Variants in DDHD2 observed in about 807,000 individuals in gnomAD.
DDHD2 encodes DDHD domain containing 2, also known as triacylglycerol hydrolase DDHD2.
A neutral mutation model predicts 91.2 loss-of-function variants in DDHD2; 62 were observed. That is an observed-to-expected ratio of 0.68 (90% CI 0.55 to 0.84). The LOEUF is 0.84. Ranked by LOEUF, DDHD2 falls within the 40% of genes least tolerant of loss-of-function variation. The pLI, the probability that DDHD2 is intolerant of heterozygous loss-of-function variation, is 0.00. For synonymous variants in DDHD2, 271 were observed against 293.9 expected (o/e 0.92, Z 0.80); for missense variants, 740 against 846.9 (o/e 0.87, Z 1.57).
rs778301805 is a variant in DDHD2 at position 38,242,286 on chromosome 8, A to G, written c.749A>G (p.Gln250Arg). ...CGCAGTGTTTCCTTGAACTTGCTACAGACACATTTTAAGAAAGCCCAAGAA... is the reference window on the plus strand; with the variant it reads ...CGCAGTGTTTCCTTGAACTTGCTACGGACACATTTTAAGAAAGCCCAAGAA... ...DFRSVSLNLL[Q>R]THFKKAQENQ... Residue 250 changes from glutamine to arginine, a missense_variant, in exon 7 of 18, where the codon CAG (glutamine) becomes CGG (arginine). Coordinates refer to ENST00000397166, the MANE Select transcript of DDHD2 (RefSeq NM_015214.3). The G allele has an allele frequency of 6.2e-7, 1 of 1,603,306 alleles. No homozygotes were observed. The highest frequency in any genetic ancestry group is 8.5e-7 in the Non-Finnish European group (1 of 1,177,486).
downstream of DDHD2, chr8:38,267,248 GT>G (rs894996943): frequency 2.8e-5 from 45 of 1,613,630 alleles, no homozygotes; most frequent in Admixed American, 6.8e-4. Flanking sequence ...ATAGGGTAGA[GT>G]CCATATGATA....
At chr8:38,258,262 T>A (rs1247699553) in intron 16 of DDHD2, among the ~76,000 whole-genome samples, 1 of 151,964 alleles carries the variant, frequency 6.6e-6, no homozygotes, top group African/African-American at 2.4e-5. Flanking sequence ...ATTCTTTTTT[T>A]TTTTTTTGAG....
chr8:38,267,172 A>G, downstream of DDHD2: 1 of 1,606,784 alleles, frequency 6.2e-7, no homozygotes, highest in Non-Finnish European at 8.5e-7. Context: ...TTGTAGAAAC[A>G]AGAGTAGTCA....
At chr8:38,269,159 A>G (rs1808290497) in intron 1 of DDHD2, 1 of 1,512,612 alleles carries the variant, frequency 6.6e-7, no homozygotes, top group Non-Finnish European at 8.8e-7. Context: ...CCGCACGCCC[A>G]CTTCGGCCCC....
chr8:38,252,701 G>A (rs1806206865), intron 13 of DDHD2, 21 bp from the exon 14 acceptor site: 1 of 1,559,884 alleles, frequency 6.4e-7, no homozygotes, highest in East Asian at 2.2e-5. Flanking sequence ...GGTAAATGTA[G>A]CTCTTGTTTT....
intron 8 of DDHD2, 28 bp downstream of exon 8, chr8:38,245,978 A>T: frequency 6.3e-7 from 1 of 1,583,986 alleles, no homozygotes; most frequent in Non-Finnish European, 8.6e-7. Flanking sequence ...GTGTGACCAG[A>T]GAAGACTATC....
At chr8:38,269,307 G>C in intron 1 of DDHD2, 3 of 1,184,078 alleles carry the variant, frequency 2.5e-6, no homozygotes, top group Non-Finnish European at 2.2e-6. Context: ...CGCTCCGGCG[G>C]CTCCCCAGGA....
chr8:38,265,513 A>C, downstream of DDHD2: 1 of 151,558 alleles, frequency 6.6e-6, no homozygotes, highest in East Asian at 2.0e-4. Flanking sequence ...CTGGTCTTCA[A>C]CTCCTGACCT....
intron 1 of DDHD2, chr8:38,268,411 G>T: frequency 6.3e-7 from 1 of 1,577,484 alleles, no homozygotes; most frequent in Non-Finnish European, 8.6e-7. Flanking sequence ...CTGCCTTCTT[G>T]AGAAATTTGG....
chr8:38,249,108 T>A (rs1805898640), intron 10 of DDHD2, among the ~76,000 whole-genome samples: 1 of 151,844 alleles, frequency 6.6e-6, no homozygotes, highest in East Asian at 1.9e-4. Context: ...CAAGGAAGTT[T>A]TTTTGTTTTG....
chr8:38,257,888 T>C (rs1286316789), intron 16 of DDHD2, among the ~76,000 whole-genome samples: 3 of 151,772 alleles, frequency 2.0e-5, no homozygotes, highest in Non-Finnish European at 4.4e-5. Flanking sequence ...GGTCTCAAAC[T>C]CCTGACCTCA....
chr8:38,247,642 T>C (rs1805752152), intron 9 of DDHD2, 71 bp from the exon 10 acceptor site: 1 of 999,610 alleles, frequency 1.0e-6, no homozygotes, highest in Non-Finnish European at 1.4e-6. Context: ...TATGTATTTC[T>C]TTACTGCAAA....
At chr8:38,272,991 A>G (rs1335769478), downstream of DDHD2, 1 of 152,188 alleles carries the variant, frequency 6.6e-6, no homozygotes, top group Admixed American at 6.5e-5. Context: ...CGCTTTTTAG[A>G]CCATTAAAGA....
chr8:38,266,363 AT>A, downstream of DDHD2: 2 of 1,496,400 alleles, frequency 1.3e-6, no homozygotes, highest in Non-Finnish European at 1.8e-6. Flanking sequence ...AAGCTACCTC[AT>A]TCATCCCCAC....
Position 38,252,775 on chromosome 8 carries a change from T to C in DDHD2, c.1671T>C (p.Phe557=). The C allele has an allele frequency of 2.5e-6, 4 of 1,614,054 alleles. No individual in the cohort carries two copies. The South Asian group carries it at 3.3e-5, about 13-fold the overall frequency. ...IEPMVVPGVE[F]EPMLIPHHKG... Reference sequence around the variant, plus strand: ...CAATGGTGGTCCCAGGAGTGGAATTTGAGCCAATGCTGATCCCACATCATA... The same window carrying C: ...CAATGGTGGTCCCAGGAGTGGAATTCGAGCCAATGCTGATCCCACATCATA... Residue 557 remains phenylalanine, a synonymous_variant, in exon 14 of 18, where the codon TTT becomes TTC. Coordinates refer to ENST00000397166, the MANE Select transcript of DDHD2 (RefSeq NM_015214.3).
downstream of DDHD2, chr8:38,263,718 T>A: frequency 1.0e-6 from 1 of 984,930 alleles, no homozygotes; most frequent in Non-Finnish European, 1.2e-6. Flanking sequence ...TAGTTGGCCA[T>A]GCCCTAGATT....
downstream of DDHD2, chr8:38,264,793 T>G: frequency 6.6e-7 from 1 of 1,514,036 alleles, no homozygotes; most frequent in Non-Finnish European, 8.8e-7. Flanking sequence ...GTATTATCAT[T>G]GTCAGGTTGC....
chr8:38,247,928 G>A, intron 10 of DDHD2, 93 bp downstream of exon 10: 11 of 933,692 alleles, frequency 1.2e-5, no homozygotes, highest in Non-Finnish European at 1.7e-5. Context: ...ACACTTTTTA[G>A]TCATAAATAC....
chr8:38,263,054 G>T (rs1387019825), downstream of DDHD2: 2 of 152,122 alleles, frequency 1.3e-5, no homozygotes, highest in Non-Finnish European at 2.9e-5. Context: ...GGCGGATGGG[G>T]AATTCAATGT....
Sources: gnomAD v4.1 joint callset for allele counts (sites outside exome capture counted in the v4.1 genomes callset) on GRCh38, gnomAD v4.1.1 for gene constraint, MANE v1.5 for transcripts, NCBI Gene and HGNC (gene_info 2026-07-23, HGNC 2026-07-21) for gene names.